The following RSRC1 variants were observed in gnomAD, a reference collection of about 807,000 sequenced individuals.
The protein encoded by RSRC1 is serine/Arginine-related protein 53.
In RSRC1, 39 loss-of-function variants were observed where a neutral mutation model predicts 49.1. That is an observed-to-expected ratio of 0.79 (90% confidence interval 0.61 to 1.04). RSRC1 has a LOEUF of 1.04. Ranked by LOEUF, RSRC1 falls within the 50% of genes least tolerant of loss-of-function variation. The pLI is 0.00. For synonymous variants in RSRC1, 143 were observed against 130.8 expected, an observed-to-expected ratio of 1.09 and a Z score of -0.63; for missense variants, 388 against 402.4, an observed-to-expected ratio of 0.96 and a Z score of 0.31.
At chr3:158,451,820 G>A (rs1260266216) in intron 6 of RSRC1, among the ~76,000 whole-genome samples, 1 of 152,050 alleles carries the variant, frequency 6.6e-6, no homozygotes, top group African/African-American at 2.4e-5. Context: ...CTTTAGGTGA[G>A]CTACTGTATT....
chr3:158,451,979 T>C (rs1447118072), intron 6 of RSRC1, among the ~76,000 whole-genome samples: 3 of 152,048 alleles, frequency 2.0e-5, no homozygotes, highest in African/African-American at 7.2e-5. Flanking sequence ...ATGAGACAAA[T>C]AGGCATATCT....
At chr3:158,424,291 G>C (rs1202034707) in intron 6 of RSRC1, among the ~76,000 whole-genome samples, 3 of 151,386 alleles carry the variant, frequency 2.0e-5, no homozygotes, top group African/African-American at 7.3e-5. Flanking sequence ...AGCATGAAGG[G>C]TTGTTGAATT....
intron 3 of RSRC1, among the ~76,000 whole-genome samples, chr3:158,143,870 A>T (rs1406931217): frequency 6.6e-6 from 1 of 152,190 alleles, no homozygotes; most frequent in Non-Finnish European, 1.5e-5. Context: ...GTAATCATTA[A>T]TGGTAAATGT....
At chr3:158,259,586 G>A (rs866875196) in intron 4 of RSRC1, among the ~76,000 whole-genome samples, 9 of 152,142 alleles carry the variant, frequency 5.9e-5, no homozygotes, top group East Asian at 5.8e-4. Context: ...TGGCTACTGC[G>A]TATGTTCACT....
chr3:158,365,546 A>G (rs1731716507), intron 6 of RSRC1, among the ~76,000 whole-genome samples: 1 of 152,174 alleles, frequency 6.6e-6, no homozygotes, highest in South Asian at 2.1e-4. Context: ...CCAGTCTATC[A>G]TTGATGGACA....
intron 6 of RSRC1, among the ~76,000 whole-genome samples, chr3:158,434,168 A>G (rs962336153): frequency 1.2e-4 from 18 of 151,992 alleles, no homozygotes; most frequent in African/African-American, 3.4e-4. Context: ...TGATGTTTAA[A>G]AATCTTCATA....
chr3:158,143,245 T>C (rs538598092), intron 3 of RSRC1, among the ~76,000 whole-genome samples: 1 of 152,270 alleles, frequency 6.6e-6, no homozygotes, highest in Non-Finnish European at 1.5e-5. Flanking sequence ...AATAATATAC[T>C]TTTAGGTTTT....
At chr3:158,276,247 A>G (rs1196533705) in intron 4 of RSRC1, 2 of 772,288 alleles carry the variant, frequency 2.6e-6, no homozygotes, top group African/African-American at 1.7e-5. Flanking sequence ...TATATAATGT[A>G]ACCTTTCTTG....
At chr3:158,291,233 T>C (rs753167184) in intron 4 of RSRC1, among the ~76,000 whole-genome samples, 13 of 152,210 alleles carry the variant, frequency 8.5e-5, no homozygotes, top group Non-Finnish European at 1.5e-4. Context: ...ATAATTACTA[T>C]ATATGTACAT....
intron 6 of RSRC1, among the ~76,000 whole-genome samples, chr3:158,355,317 C>T (rs561128190): frequency 2.0e-4 from 30 of 151,286 alleles, no homozygotes; most frequent in African/African-American, 7.3e-4. Context: ...TTAAATGTAA[C>T]ATGTAAAACC....
Position 158,245,004 on chromosome 3 carries a change from G to GTTTT in RSRC1, c.494+41771_494+41774dup, listed in dbSNP as rs3052859. On this transcript the variant is annotated intron_variant, in intron 4 of 9. Transcript: ENST00000611884. Reference sequence around the variant, plus strand: ...TCCTGGATTTGTAGATTTTTCAAAGGTTTTTTTTTTTTTTTCTGTCTCTGT... The same window carrying GTTTT: ...TCCTGGATTTGTAGATTTTTCAAAGGTTTTTTTTTTTTTTTTTTTCTGTCTCTGT... 9.0e-3 allele frequency among the ~76,000 whole-genome samples: 1,163 copies of GTTTT among 128,912 alleles called. 26 individuals carry two copies. Among genetic ancestry groups the GTTTT allele is most frequent in the Middle Eastern group, 0.017 (4 of 236 alleles). The allele number at this position is 128,912 out of a possible 152,430, so 84.6% of individuals were successfully genotyped here. A position where few individuals can be genotyped will look rare whatever the true frequency, so the allele number is the denominator to read the frequency against.
chr3:158,236,290 A>T (rs115602641), intron 4 of RSRC1, among the ~76,000 whole-genome samples: 2,441 of 152,158 alleles, frequency 0.016, 86 homozygotes, highest in African/African-American at 0.056. Flanking sequence ...TTTAGAGTTA[A>T]AATCCAGTTT....
chr3:158,278,911 A>T (rs1415871976), intron 4 of RSRC1, among the ~76,000 whole-genome samples: 1 of 152,124 alleles, frequency 6.6e-6, no homozygotes, highest in Non-Finnish European at 1.5e-5. Flanking sequence ...TACTATAAAG[A>T]GTGTTCAGTC....
At chr3:158,119,237 C>T (rs1287303182) in intron 1 of RSRC1, among the ~76,000 whole-genome samples, 1 of 152,048 alleles carries the variant, frequency 6.6e-6, no homozygotes, top group Admixed American at 6.6e-5. Context: ...AATTCCTGAT[C>T]CTTTCTGATT....
intron 4 of RSRC1, among the ~76,000 whole-genome samples, chr3:158,241,317 C>T (rs1401967623): frequency 2.6e-5 from 4 of 151,780 alleles, no homozygotes; most frequent in Admixed American, 6.6e-5. Context: ...GACATGGTAG[C>T]GCGCACCTGT....
intron 3 of RSRC1, among the ~76,000 whole-genome samples, chr3:158,198,629 G>A (rs184874035): frequency 1.7e-4 from 26 of 152,160 alleles, no homozygotes; most frequent in East Asian, 1.4e-3. Context: ...GGCTGGTACC[G>A]GTTGTTCCTT....
intron 1 of RSRC1, among the ~76,000 whole-genome samples, chr3:158,113,637 G>T (rs1258563564): frequency 6.6e-6 from 1 of 151,992 alleles, no homozygotes; most frequent in Non-Finnish European, 1.5e-5. Context: ...AAAGTACTAG[G>T]ATTACAGGTG....
intron 3 of RSRC1, among the ~76,000 whole-genome samples, chr3:158,202,759 C>A (rs1433505911): frequency 1.3e-5 from 2 of 151,338 alleles, no homozygotes; most frequent in Non-Finnish European, 2.9e-5. Flanking sequence ...AAAGGAAAGC[C>A]TTATTCTTGT....
intron 5 of RSRC1, among the ~76,000 whole-genome samples, chr3:158,325,597 T>C (rs893614218): frequency 7.2e-5 from 11 of 152,218 alleles, no homozygotes; most frequent in African/African-American, 2.7e-4. Context: ...TATCTCTGTT[T>C]TGGTACCACT....
Sources: allele counts gnomAD v4.1 joint callset (sites outside exome capture counted in the v4.1 genomes callset), GRCh38; gene constraint gnomAD v4.1.1; transcripts MANE v1.5; gene names NCBI Gene and HGNC (gene_info 2026-07-23, HGNC 2026-07-21).